The following STAT5B variants were observed in gnomAD, a reference collection of about 807,000 sequenced individuals.
The protein encoded by STAT5B is transcription factor STAT5B.
STAT5B carries 21 observed loss-of-function variants against 107.8 expected under a neutral mutation model. The observed-to-expected ratio is 0.19, with a 90% CI of 0.14 to 0.28. The LOEUF is 0.28. Ranked by LOEUF, STAT5B falls within the 10% of genes least tolerant of loss-of-function variation. The probability of loss-of-function intolerance (pLI) is 1.00; values close to 1 mark genes in which losing one functional copy is unlikely to be tolerated. For missense variants in STAT5B, 565 were observed against 1,008.2 expected (o/e 0.56, Z 5.95); for synonymous variants, 325 against 401.7 (o/e 0.81, Z 2.28).
chr17:42,227,461 GA>G (rs911681481), intron 3 of STAT5B, 67 bp downstream of exon 3: 2 of 1,606,078 alleles, frequency 1.2e-6, no homozygotes, highest in Non-Finnish European at 1.7e-6. Context: ...AGGAGAGAAA[GA>G]AAGTCTCTAC....
chr17:42,262,221 A>G (rs1457410732), intron 1 of STAT5B, among the ~76,000 whole-genome samples: 6 of 151,752 alleles, frequency 4.0e-5, no homozygotes, highest in Non-Finnish European at 8.8e-5. Flanking sequence ...AGTACAGTGG[A>G]GCGATCACAG....
chr17:42,210,144 T>C, intron 15 of STAT5B, 27 bp downstream of exon 15: 1 of 1,614,172 alleles, frequency 6.2e-7, no homozygotes, highest in Non-Finnish European at 8.5e-7. Context: ...CAGCTAACTT[T>C]GGACATAAGA....
At chr17:42,202,553 A>C (rs998192039) in intron 17 of STAT5B, 106 bp from the exon 18 acceptor site, 127 of 1,473,054 alleles carry the variant, frequency 8.6e-5, no homozygotes, top group Non-Finnish European at 1.2e-4. Flanking sequence ...GTAGAAGGAC[A>C]AAGTGCCCCA....
rs143434115 is a variant in STAT5B, at chr17:42,257,475, T to C, written c.-11+18773A>G. Among the ~76,000 whole-genome samples, 601 of 152,318 alleles carry C rather than the reference T, an allele frequency of 3.9e-3. 6 individuals carry two copies. The highest frequency in any genetic ancestry group is 0.014 in the African/African-American group (591 of 41,568). On this transcript the variant is annotated intron_variant, in intron 1 of 18. Coordinates refer to ENST00000293328, the MANE Select transcript of STAT5B (RefSeq NM_012448.4). ...TCATCCCTGCTGAAAGCCTATCATC[T>C]TTATGGAGCTATTGTATGTGCAAAA...
chr17:42,207,655 C>T lies in STAT5B; in HGVS notation c.1980G>A (p.Leu660=). 6.2e-7 allele frequency: 1 copy of T among 1,614,114 alleles called. No homozygotes were observed. The highest frequency in any genetic ancestry group is 8.5e-7 in the Non-Finnish European group (1 of 1,180,028). ...DFSIRSLADR[L]GDLNYLIYVF... is the part of the protein sequence containing the mutation. ...CGTAGATAAGGTAATTCAAGTCTCC[C>T]AAGCGGTCGGCTAGGGACCGAATGG... The change falls in exon 16 of 19, where the codon TTG becomes TTA. Residue 660 remains leucine, a synonymous_variant. Coordinates refer to ENST00000293328, the MANE Select transcript of STAT5B (RefSeq NM_012448.4).
At chr17:42,204,501 G>C (rs1598293717) in intron 16 of STAT5B, among the ~76,000 whole-genome samples, 2 of 152,198 alleles carry the variant, frequency 1.3e-5, no homozygotes, top group South Asian at 2.1e-4. Context: ...TCTTCTTCTA[G>C]GGCTTCAAGT....
chr17:42,232,151 A>C lies in STAT5B; in HGVS notation c.-10-14T>G, dbSNP rs1330822883. The C allele has an allele frequency of 1.9e-6, 3 of 1,612,880 alleles. No individual in the cohort carries two copies. ...ATGGTTTACAATCTGTTGAACAAAC[A>C]ATCAGTGCTTTGGGCGTTTTTTCTT... On this transcript the variant is annotated splice_polypyrimidine_tract_variant and intron_variant, in intron 1 of 18. Transcript: ENST00000293328.
chr17:42,272,534 G>A (rs2080729752), intron 1 of STAT5B: 1 of 152,192 alleles, frequency 6.6e-6, no homozygotes, highest in South Asian at 2.1e-4. Flanking sequence ...GTTAAACTTT[G>A]AAGAGAGTTG....
upstream of STAT5B, among the ~76,000 whole-genome samples, chr17:42,281,028 G>A (rs536547658): frequency 2.0e-5 from 3 of 152,104 alleles, no homozygotes; most frequent in Non-Finnish European, 4.4e-5. Context: ...CAGCTACTCC[G>A]GAGGCTGAGC....
chr17:42,229,880 T>C (rs1384964160), intron 2 of STAT5B, among the ~76,000 whole-genome samples: 2 of 151,640 alleles, frequency 1.3e-5, no homozygotes, highest in Admixed American at 6.6e-5. Context: ...AAAAAAAGAA[T>C]TGAAAATTCT....
intron 5 of STAT5B, 149 bp from the exon 6 acceptor site, chr17:42,219,991 C>G (rs2080211030): frequency 1.4e-6 from 2 of 1,398,652 alleles, no homozygotes; most frequent in South Asian, 1.4e-5. Context: ...GCCAGGGGGG[C>G]CAAGATGAAT....
chr17:42,232,166 C>T lies in STAT5B; in HGVS notation c.-10-29G>A, dbSNP rs746063474. 31 of 1,604,872 alleles carry T rather than the reference C, an allele frequency of 1.9e-5. No homozygotes were observed. The Middle Eastern group carries it at 2.2e-3, about 111-fold the overall frequency. ...TTGAACAAACAATCAGTGCTTTGGG[C>T]GTTTTTTCTTTATTTTCCCCTTACA... On this transcript the variant is annotated intron_variant, in intron 1 of 18. Coordinates refer to ENST00000293328, the MANE Select transcript of STAT5B (RefSeq NM_012448.4).
At chr17:42,262,883 C>CTGTGT (rs2080619088) in intron 1 of STAT5B, among the ~76,000 whole-genome samples, 1 of 106,624 alleles carries the variant, frequency 9.4e-6, no homozygotes, top group Non-Finnish European at 1.9e-5. Flanking sequence ...TATATATACA[C>CTGTGT]ATATATATGT....
At chr17:42,287,337 C>CCGCCG in the STAT5B span, among the ~76,000 whole-genome samples, 26 of 151,036 alleles carry the variant, frequency 1.7e-4, no homozygotes, top group African/African-American at 6.2e-4. Context: ...TGCACCCCCC[C>CCGCCG]CAACAGAACA....
At chr17:42,285,214 C>G in the STAT5B span, among the ~76,000 whole-genome samples, 1 of 152,004 alleles carries the variant, frequency 6.6e-6, no homozygotes, top group East Asian at 1.9e-4. Flanking sequence ...CTCAGCCTCC[C>G]GAGTAGCTGG....
At chr17:42,270,686 A>G (rs1285456630) in intron 1 of STAT5B, 1 of 152,214 alleles carries the variant, frequency 6.6e-6, no homozygotes, top group Admixed American at 6.5e-5. Context: ...AAAGAAATAC[A>G]AGCCTCAAAG....
At chr17:42,223,005 A>G (rs1290571339) in intron 5 of STAT5B, among the ~76,000 whole-genome samples, 1 of 152,110 alleles carries the variant, frequency 6.6e-6, no homozygotes, top group African/African-American at 2.4e-5. Flanking sequence ...TAAACATGTA[A>G]TTATATAATT....
intron 1 of STAT5B, among the ~76,000 whole-genome samples, chr17:42,242,251 A>G (rs935607609): frequency 7.9e-5 from 12 of 152,206 alleles, no homozygotes; most frequent in African/African-American, 2.9e-4. Flanking sequence ...TCTCATCTAA[A>G]TATAGGATAT....
chr17:42,219,786 C>A lies in STAT5B; in HGVS notation c.607G>T (p.Ala203Ser). ...SPQERLSRET[A>S]LQQKQVSLEA... ...AGAGACACCTGCTTCTGCTGGAGGGCCGTCTCCCGGCTCAGACGCTCCTGG... is the reference window on the plus strand; with the variant it reads ...AGAGACACCTGCTTCTGCTGGAGGGACGTCTCCCGGCTCAGACGCTCCTGG... The change falls in exon 6 of 19, where the codon GCC becomes TCC. Residue 203 changes from alanine to serine, a missense_variant. This residue lies in a region of STAT5B where 56 missense variants were observed against 104.5 expected (regional missense o/e 0.54). Transcript: ENST00000293328. 1.2e-6 allele frequency: 2 copies of A among 1,613,672 alleles called. No homozygotes were observed. Among genetic ancestry groups the A allele is most frequent in the African/African-American group, 2.7e-5 (2 of 74,938 alleles).
Sources: gnomAD v4.1 joint callset for allele counts (sites outside exome capture counted in the v4.1 genomes callset) on GRCh38, gnomAD v4.1.1 for gene constraint, gnomAD v4.1.1 regional missense constraint, MANE v1.5 for transcripts, NCBI Gene and HGNC (gene_info 2026-07-23, HGNC 2026-07-21) for gene names.